Variants in FER1L6 observed in about 807,000 individuals in gnomAD.
FER1L6 encodes the protein fer-1 like family member 6.
A neutral mutation model predicts 219.2 loss-of-function variants in FER1L6; 177 were observed. That is an observed-to-expected ratio of 0.81 (90% CI 0.71 to 0.91). The LOEUF is 0.91. Among genes scored for constraint, FER1L6 ranks in the 40% least tolerant of loss-of-function variants. The pLI is 0.00. For missense variants in FER1L6, 2,153 were observed against 2,259.9 expected, an observed-to-expected ratio of 0.95 and a Z score of 0.96; for synonymous variants, 768 against 824.3, an observed-to-expected ratio of 0.93 and a Z score of 1.17.
chr8:123,896,607 T>G (rs1435125976), intron 1 of FER1L6, among the ~76,000 whole-genome samples: 3 of 152,212 alleles, frequency 2.0e-5, no homozygotes, highest in Non-Finnish European at 4.4e-5. Flanking sequence ...TTATTTTTTT[T>G]CCTTCACCTT....
chr8:124,036,713 C>A (rs1586621196), intron 19 of FER1L6, among the ~76,000 whole-genome samples: 2 of 152,218 alleles, frequency 1.3e-5, no homozygotes, highest in African/African-American at 4.8e-5. Context: ...ACCCAAGGAC[C>A]TGGATGTGAT....
At chr8:124,076,364 G>A in intron 32 of FER1L6, 39 bp downstream of exon 32, 1 of 1,596,704 alleles carries the variant, frequency 6.3e-7, no homozygotes, top group East Asian at 2.2e-5. Context: ...TGTCCTTTCT[G>A]CATTTGCTCC....
intron 21 of FER1L6, chr8:124,046,336 CCTTT>C (rs1248670909): frequency 1.3e-5 from 2 of 155,836 alleles, no homozygotes; most frequent in Non-Finnish European, 2.8e-5. Flanking sequence ...ATTTTCTCAG[CCTTT>C]CTGTGTTTCT....
chr8:123,907,612 G>C (rs1362781941), intron 1 of FER1L6, among the ~76,000 whole-genome samples: 1 of 151,036 alleles, frequency 6.6e-6, no homozygotes, highest in Non-Finnish European at 1.5e-5. Context: ...GTATCGAGGA[G>C]AAATTGGGAT....
In FER1L6 at chr8:124,042,748, A is replaced by C. The variant is rs559685035; in HGVS notation, c.2589+2742A>C. ...TTCAGCTGGTAGCACTCACCTGACC[A>C]CGCGGGGCTCAGGGAGAAAAAGCCT... is the stretch of plus-strand genomic sequence containing the variant. On this transcript the variant is annotated intron_variant, in intron 20 of 40. Coordinates refer to ENST00000522917, the MANE Select transcript of FER1L6 (RefSeq NM_001039112.2). Among the ~76,000 whole-genome samples, 11 of 152,292 alleles carry C rather than the reference A, an allele frequency of 7.2e-5. No individual in the cohort carries two copies. In the South Asian group the frequency reaches 2.1e-3, roughly 29 times the overall value.
At chr8:124,063,955 C>T (rs186707147) in intron 25 of FER1L6, among the ~76,000 whole-genome samples, 49 of 152,292 alleles carry the variant, frequency 3.2e-4, no homozygotes, top group African/African-American at 1.0e-3. Flanking sequence ...CTACAGTTGG[C>T]GGCTTCATGG....
intron 2 of FER1L6, among the ~76,000 whole-genome samples, chr8:123,957,095 C>T (rs887175169): frequency 4.6e-5 from 7 of 152,190 alleles, no homozygotes; most frequent in Non-Finnish European, 8.8e-5. Context: ...CCGTGGGTCT[C>T]GTTAATCTTC....
chr8:124,107,757 C>T (rs986917302), intron 39 of FER1L6, among the ~76,000 whole-genome samples: 1 of 152,112 alleles, frequency 6.6e-6, no homozygotes, highest in Non-Finnish European at 1.5e-5. Context: ...AGTTTTTCTG[C>T]TTTTGTGCTT....
At chr8:124,084,171 T>G (rs1249547367) in intron 33 of FER1L6, among the ~76,000 whole-genome samples, 2 of 133,970 alleles carry the variant, frequency 1.5e-5, no homozygotes, top group Non-Finnish European at 3.1e-5. Flanking sequence ...GAATCTTTAG[T>G]TTTTTTTTTT....
At chr8:124,065,489 G>T (rs1411761209) in intron 26 of FER1L6, among the ~76,000 whole-genome samples, 2 of 151,752 alleles carry the variant, frequency 1.3e-5, no homozygotes, top group Non-Finnish European at 2.9e-5. Context: ...GTGGAAAAGT[G>T]AGATAGATGC....
At chr8:124,050,092 C>CACTT (rs1465504661) in intron 22 of FER1L6, among the ~76,000 whole-genome samples, 1 of 152,186 alleles carries the variant, frequency 6.6e-6, no homozygotes, top group Non-Finnish European at 1.5e-5. Flanking sequence ...AACATGTGGG[C>CACTT]ACTTACCATG....
Position 124,066,439 on chromosome 8 carries a change from G to A in FER1L6, c.3567G>A (p.Lys1189=), listed in dbSNP as rs1204222158. The change falls in exon 27 of 41, where the codon AAG becomes AAA. Residue 1189 remains lysine, a synonymous_variant. Coordinates refer to ENST00000522917, the MANE Select transcript of FER1L6 (RefSeq NM_001039112.2). Reference sequence around the variant, plus strand: ...TCATCCCTTGCCAGGATCCCAGGAAGCCTTCCCGGAGGTCCACTAAGAGGA... The same window carrying A: ...TCATCCCTTGCCAGGATCCCAGGAAACCTTCCCGGAGGTCCACTAAGAGGA... The part of the protein sequence containing the change: ...PKDGKPKDPR[K]PSRRSTKRRK... 4.3e-6 allele frequency: 7 copies of A among 1,613,754 alleles called. No individual in the cohort carries two copies. Among genetic ancestry groups the A allele is most frequent in the Non-Finnish European group, 5.9e-6 (7 of 1,179,826 alleles).
intron 31 of FER1L6, among the ~76,000 whole-genome samples, chr8:124,072,124 G>T (rs1821103810): frequency 6.6e-6 from 1 of 152,190 alleles, no homozygotes; most frequent in African/African-American, 2.4e-5. Flanking sequence ...GCTCCCTATG[G>T]TTGCCTACGG....
At chr8:123,992,490 A>G (rs576878977) in intron 12 of FER1L6, among the ~76,000 whole-genome samples, 3 of 152,132 alleles carry the variant, frequency 2.0e-5, no homozygotes, top group Admixed American at 6.5e-5. Flanking sequence ...GTTTGTGTGC[A>G]TAGAAGTATT....
intron 1 of FER1L6, among the ~76,000 whole-genome samples, chr8:123,871,933 G>C (rs1816930157): frequency 6.6e-6 from 1 of 152,160 alleles, no homozygotes; most frequent in African/African-American, 2.4e-5. Flanking sequence ...GTATTAGGCT[G>C]TTCTTGCATT....
intron 35 of FER1L6, among the ~76,000 whole-genome samples, chr8:124,095,335 C>T (rs1193129555): frequency 6.6e-5 from 10 of 152,218 alleles, no homozygotes; most frequent in Non-Finnish European, 1.3e-4. Flanking sequence ...CAGTGTTCAA[C>T]TTAGTACTGC....
At chr8:124,027,707 G>A (rs1762012896) in intron 18 of FER1L6, among the ~76,000 whole-genome samples, 4 of 152,178 alleles carry the variant, frequency 2.6e-5, no homozygotes. Context: ...CGACAGGCAT[G>A]TGCCACCACA....
At chr8:124,043,085 T>C (rs1454597002) in intron 20 of FER1L6, among the ~76,000 whole-genome samples, 2 of 152,140 alleles carry the variant, frequency 1.3e-5, no homozygotes, top group South Asian at 2.1e-4. Flanking sequence ...GAATGGTCTC[T>C]TACCCCAGTG....
intron 13 of FER1L6, among the ~76,000 whole-genome samples, chr8:124,008,587 T>A (rs1055719396): frequency 6.6e-6 from 1 of 152,200 alleles, no homozygotes; most frequent in African/African-American, 2.4e-5. Flanking sequence ...AAAGATTGTA[T>A]GACCAAGAAC....
Sources: gnomAD v4.1 joint callset for allele counts (sites outside exome capture counted in the v4.1 genomes callset) on GRCh38, gnomAD v4.1.1 for gene constraint, MANE v1.5 for transcripts, NCBI Gene and HGNC (gene_info 2026-07-23, HGNC 2026-07-21) for gene names.